EDIL3: variants seen among roughly 807,000 people sequenced by gnomAD.
EDIL3 encodes the protein EGF like and discoidin domains 3, also known as EGF-like repeat and discoidin I-like domain-containing protein 3.
EDIL3 carries 37 observed loss-of-function variants against 67.4 expected under a neutral mutation model. The observed-to-expected ratio is 0.55, with a 90% confidence interval of 0.42 to 0.72. The LOEUF is 0.72. EDIL3 is among the 30% of genes least tolerant of loss of function. The pLI is 0.00. For missense variants in EDIL3, 527 were observed against 586.3 expected (o/e 0.90, Z 1.04); for synonymous variants, 195 against 196.3 (o/e 0.99, Z 0.05).
intron 3 of EDIL3, among the ~76,000 whole-genome samples, chr5:84,198,290 G>A (rs1022666056): frequency 6.6e-6 from 1 of 151,802 alleles, no homozygotes; most frequent in African/African-American, 2.4e-5. Flanking sequence ...TGCTTCTGAT[G>A]ATAGAATTCT....
chr5:84,067,462 C>T (rs1746665049), intron 6 of EDIL3, among the ~76,000 whole-genome samples: 1 of 151,938 alleles, frequency 6.6e-6, no homozygotes, highest in Non-Finnish European at 1.5e-5. Context: ...AATTAAAATG[C>T]CTTTATGATG....
intron 6 of EDIL3, among the ~76,000 whole-genome samples, chr5:84,085,956 T>A (rs1747061580): frequency 6.6e-6 from 1 of 152,192 alleles, no homozygotes; most frequent in South Asian, 2.1e-4. Flanking sequence ...TTTGGCACTG[T>A]CACGGGAAAA....
intron 1 of EDIL3, among the ~76,000 whole-genome samples, chr5:84,353,793 T>G (rs1747413802): frequency 6.6e-6 from 1 of 152,208 alleles, no homozygotes; most frequent in South Asian, 2.1e-4. Context: ...TTCTTTGTCA[T>G]TTTTATCATT....
chr5:84,037,985 C>CTTTTTTTTTTTTTTT (rs1580292622), intron 9 of EDIL3, among the ~76,000 whole-genome samples: 1 of 99,648 alleles, frequency 1.0e-5, no homozygotes, highest in African/African-American at 5.3e-5. Flanking sequence ...TTCTTTCTTT[C>CTTTTTTTTTTTTTTT]TTGTTTTTTT....
At chr5:83,975,714 A>C (rs1744866709) in intron 9 of EDIL3, among the ~76,000 whole-genome samples, 1 of 151,914 alleles carries the variant, frequency 6.6e-6, no homozygotes, top group African/African-American at 2.4e-5. Context: ...CTGAATTCCA[A>C]AGATATTTTT....
At chr5:84,069,729 G>A (rs533427069) in intron 6 of EDIL3, among the ~76,000 whole-genome samples, 3 of 152,218 alleles carry the variant, frequency 2.0e-5, no homozygotes, top group African/African-American at 4.8e-5. Flanking sequence ...GGACCCTGGC[G>A]AGCGTTCCAC....
intron 9 of EDIL3, among the ~76,000 whole-genome samples, chr5:84,040,272 A>C (rs1746096912): frequency 6.6e-6 from 1 of 152,142 alleles, no homozygotes; most frequent in Admixed American, 6.6e-5. Flanking sequence ...ACACCATATT[A>C]ACGTGCATCA....
rs180694367 is a variant in EDIL3, at chr5:84,312,395, C to T, written c.68-58183G>A. Among the ~76,000 whole-genome samples the T allele has an allele frequency of 7.0e-3, 961 of 136,312 alleles. 4 individuals are homozygous for T. Among genetic ancestry groups the T allele is most frequent in the African/African-American group, 0.028 (891 of 32,214 alleles). The allele number at this position is 136,312 out of a possible 152,430, so 89.4% of individuals were successfully genotyped here. A position where few individuals can be genotyped will look rare whatever the true frequency, so the allele number is the denominator to read the frequency against. On this transcript the variant is annotated intron_variant, in intron 1 of 10. Coordinates refer to ENST00000296591, the MANE Select transcript of EDIL3 (RefSeq NM_005711.5). ...GCCGGGCGGGGGGCTGACTCCCCCA[C>T]CACCCTCCCGGACGGGGCGGCTGGC...
chr5:84,176,770 T>TGC (rs1554071729), intron 4 of EDIL3, among the ~76,000 whole-genome samples: 25 of 149,714 alleles, frequency 1.7e-4, no homozygotes, highest in Admixed American at 2.0e-4. Context: ...TGTGTGTGTG[T>TGC]GCCTGTGTGT....
intron 3 of EDIL3, among the ~76,000 whole-genome samples, chr5:84,199,338 C>T (rs1221202665): frequency 6.6e-6 from 1 of 152,020 alleles, no homozygotes; most frequent in African/African-American, 2.4e-5. Flanking sequence ...AAGGTTTAAA[C>T]ATCAGCAAAG....
At chr5:84,169,192 T>C (rs1182593674) in intron 4 of EDIL3, among the ~76,000 whole-genome samples, 3 of 152,110 alleles carry the variant, frequency 2.0e-5, no homozygotes, top group African/African-American at 7.2e-5. Context: ...CTTGTTATTA[T>C]GCATTGTGGT....
chr5:84,192,009 G>A (rs1001151241), intron 3 of EDIL3, among the ~76,000 whole-genome samples: 2 of 151,940 alleles, frequency 1.3e-5, no homozygotes, highest in Non-Finnish European at 2.9e-5. Flanking sequence ...CAAGCTTTTC[G>A]AAATAGTTTC....
intron 4 of EDIL3, among the ~76,000 whole-genome samples, chr5:84,164,511 C>T (rs1005369744): frequency 6.6e-6 from 1 of 152,016 alleles, no homozygotes; most frequent in African/African-American, 2.4e-5. Flanking sequence ...AGCCATATAT[C>T]CCTGCCAAGT....
chr5:84,066,495 T>C lies in EDIL3; in HGVS notation c.763A>G (p.Lys255Glu). The change falls in exon 7 of 11, where the codon AAG becomes GAG. Residue 255 changes from lysine to glutamate, a missense_variant. By Grantham distance (56) the Lys-to-Glu change is moderately conservative. This residue lies in a region of EDIL3 where 494 missense variants were observed against 522.5 expected (regional missense o/e 0.95). Transcript: ENST00000296591. ...SYKIAYSNDGKTWAMYKVKGT... is the reference protein window; with the variant it reads ...SYKIAYSNDGETWAMYKVKGT... ...TTCACTTTGTACATTGCCCAAGTCTTTCCATCATTACTGTAGGCAATTTTG... is the reference window on the plus strand; with the variant it reads ...TTCACTTTGTACATTGCCCAAGTCTCTCCATCATTACTGTAGGCAATTTTG... 1 of 1,613,172 alleles carries C rather than the reference T, an allele frequency of 6.2e-7. No individual in the cohort carries two copies. Among genetic ancestry groups the C allele is most frequent in the Non-Finnish European group, 8.5e-7 (1 of 1,179,708 alleles).
intron 6 of EDIL3, among the ~76,000 whole-genome samples, chr5:84,091,726 C>G (rs2112268345): frequency 1.3e-5 from 2 of 152,320 alleles, no homozygotes; most frequent in Admixed American, 1.3e-4. Context: ...CAGATGCTCA[C>G]TTACTTCTGC....
At chr5:84,062,280 T>C (rs1746559570) in intron 8 of EDIL3, among the ~76,000 whole-genome samples, 1 of 152,126 alleles carries the variant, frequency 6.6e-6, no homozygotes, top group Non-Finnish European at 1.5e-5. Context: ...ATTGTCTACA[T>C]TGAAAAATTC....
intron 6 of EDIL3, 51 bp from the exon 7 acceptor site, chr5:84,066,657 A>G: frequency 6.4e-7 from 1 of 1,564,784 alleles, no homozygotes; most frequent in Non-Finnish European, 8.6e-7. Flanking sequence ...CAGGATAACA[A>G]TACTGAAAAT....
chr5:83,950,213 G>A (rs573279539), intron 10 of EDIL3, among the ~76,000 whole-genome samples: 53 of 151,856 alleles, frequency 3.5e-4, no homozygotes, highest in Admixed American at 1.2e-3. Flanking sequence ...TCCTTTCATC[G>A]TGATAAACGA....
At chr5:83,953,867 C>T (rs144581523) in intron 10 of EDIL3, among the ~76,000 whole-genome samples, 3 of 151,892 alleles carry the variant, frequency 2.0e-5, no homozygotes, top group East Asian at 3.9e-4. Context: ...CCCAAGAGTG[C>T]TCTATTCATA....
Sources: allele counts gnomAD v4.1 joint callset (sites outside exome capture counted in the v4.1 genomes callset), GRCh38; gene constraint gnomAD v4.1.1; regional missense constraint gnomAD v4.1.1; transcripts MANE v1.5; gene names NCBI Gene and HGNC (gene_info 2026-07-23, HGNC 2026-07-21).